The following CENPE variants were observed in gnomAD, a reference collection of about 807,000 sequenced individuals.
CENPE encodes the protein centromere protein E.
In CENPE, 145 loss-of-function variants were observed where a neutral mutation model predicts 336.1. That is an observed-to-expected ratio of 0.43 (90% CI 0.38 to 0.50). The LOEUF is 0.50. CENPE is among the 20% of genes least tolerant of loss of function. The pLI, the probability that CENPE is intolerant of heterozygous loss-of-function variation, is 0.00. For synonymous variants in CENPE, 1,013 were observed against 984.8 expected (o/e 1.03, Z -0.54); for missense variants, 2,719 against 3,023.3 (o/e 0.90, Z 2.36).
At chr4:103,181,289 T>C in intron 12 of CENPE, 48 bp downstream of exon 12, 1 of 1,361,570 alleles carries the variant, frequency 7.3e-7, no homozygotes, top group African/African-American at 1.5e-5. Context: ...CAGGTCTCCA[T>C]TCTAAATTGG....
chr4:103,127,560 C>G (rs1232962421), intron 42 of CENPE, among the ~76,000 whole-genome samples: 1 of 152,104 alleles, frequency 6.6e-6, no homozygotes, highest in Admixed American at 6.5e-5. Context: ...AACTTATTTT[C>G]TTATTCTTAA....
intron 16 of CENPE, among the ~76,000 whole-genome samples, chr4:103,171,005 AC>A (rs1755358710): frequency 6.6e-6 from 1 of 152,170 alleles, no homozygotes; most frequent in African/African-American, 2.4e-5. Flanking sequence ...ATATATATGC[AC>A]ACTGAACATG....
chr4:103,111,037 G>A (rs1462316564), intron 46 of CENPE, 26 bp from the exon 47 acceptor site: 3 of 1,489,940 alleles, frequency 2.0e-6, no homozygotes, highest in African/African-American at 2.8e-5. Context: ...ATACAAATAG[G>A]TGATAATTTT....
At chr4:103,190,945 G>GA (rs577578830) in intron 8 of CENPE, among the ~76,000 whole-genome samples, 1,931 of 129,490 alleles carry the variant, frequency 0.015, 34 homozygotes, top group African/African-American at 0.047. Flanking sequence ...AACAAATTTA[G>GA]AAAAAAAAAA....
At chr4:103,189,969 A>T (rs1366207496) in intron 8 of CENPE, among the ~76,000 whole-genome samples, 1 of 152,196 alleles carries the variant, frequency 6.6e-6, no homozygotes, top group Non-Finnish European at 1.5e-5. Flanking sequence ...TCAATGTGCA[A>T]AAATCACAAG....
chr4:103,112,726 G>GTA (rs1209538871), intron 46 of CENPE, among the ~76,000 whole-genome samples: 93 of 118,982 alleles, frequency 7.8e-4, no homozygotes, highest in Non-Finnish European at 1.4e-3. Context: ...GTATATAAGT[G>GTA]TATATATATA....
intron 41 of CENPE, 62 bp downstream of exon 41, chr4:103,133,633 G>T: frequency 2.7e-6 from 3 of 1,098,558 alleles, no homozygotes; most frequent in East Asian, 2.5e-5. Flanking sequence ...ACATGAAAAA[G>T]TACCTTTCTA....
intron 8 of CENPE, among the ~76,000 whole-genome samples, chr4:103,188,651 A>T (rs953293220): frequency 1.3e-5 from 2 of 152,210 alleles, no homozygotes; most frequent in Non-Finnish European, 2.9e-5. Flanking sequence ...CAGTGTGTAG[A>T]GGGAAACTTA....
Position 103,192,926 on chromosome 4 carries a change from T to A in CENPE, c.693+1303A>T, listed in dbSNP as rs539121485. 2.6e-5 allele frequency among the ~76,000 whole-genome samples: 4 copies of A among 151,780 alleles called. No homozygotes were observed. In the East Asian group the frequency reaches 5.8e-4, roughly 22 times the overall value. On this transcript the variant is annotated intron_variant, in intron 8 of 48. Coordinates refer to ENST00000265148, the MANE Select transcript of CENPE (RefSeq NM_001813.3). ...GAATACCTCCAAGTTTTTTTTTTTTTAATTATTTTTTTAGGAGGGTAGGGA... is the reference window on the plus strand; with the variant it reads ...GAATACCTCCAAGTTTTTTTTTTTTAAATTATTTTTTTAGGAGGGTAGGGA...
chr4:103,153,634 C>T (rs184490780), intron 24 of CENPE, among the ~76,000 whole-genome samples: 1 of 152,152 alleles, frequency 6.6e-6, no homozygotes. Flanking sequence ...ATTTCAATGA[C>T]ATTAATACAT....
Position 103,120,226 on chromosome 4 carries a change from T to G in CENPE, c.7251A>C (p.Ile2417=). ...MQKELEVTND[I]IAKLQAKVHE... is the part of the protein sequence containing the mutation. ...GAACTTTGGCTTGAAGTTTTGCTAT[T>G]ATGTCATTAGTCACCTCAAGTTCTT... The change falls in exon 44 of 49, where the codon ATA becomes ATC. Residue 2417 remains isoleucine, a synonymous_variant. Coordinates refer to ENST00000265148, the MANE Select transcript of CENPE (RefSeq NM_001813.3). 1 of 1,612,918 alleles carries G rather than the reference T, an allele frequency of 6.2e-7. No individual in the cohort carries two copies. Among genetic ancestry groups the G allele is most frequent in the East Asian group, 2.2e-5 (1 of 44,734 alleles).
chr4:103,110,966 G>A lies in CENPE; in HGVS notation c.7586C>T (p.Thr2529Ile). 1 of 1,610,472 alleles carries A rather than the reference G, an allele frequency of 6.2e-7. No individual in the cohort carries two copies. The highest frequency in any genetic ancestry group is 8.5e-7 in the Non-Finnish European group (1 of 1,178,510). ...TACAATGCCGCTGCCACCTCCACAA[G>A]TTAAGGGTTTATTTGAAGGCTGAGG... is the stretch of plus-strand genomic sequence containing the variant. ...TDPQPSNKPL[T>I]CGGGSGIVQN... Residue 2529 changes from threonine to isoleucine, a missense_variant, in exon 47 of 49, where the codon ACT (threonine) becomes ATT (isoleucine). This residue lies in a region of CENPE where 2,437 missense variants were observed against 2,513.3 expected (regional missense o/e 0.97). Coordinates refer to ENST00000265148, the MANE Select transcript of CENPE (RefSeq NM_001813.3).
intron 13 of CENPE, 37 bp from the exon 14 acceptor site, chr4:103,177,083 C>G: frequency 6.6e-7 from 1 of 1,524,950 alleles, no homozygotes; most frequent in South Asian, 1.2e-5. Context: ...TCATATAGAT[C>G]TGTATTCAAA....
In CENPE at chr4:103,141,039, C is replaced by A; in HGVS notation, c.5529G>T (p.Gln1843His). Residue 1843 changes from glutamine (Q) to histidine (H), a missense_variant, in exon 36 of 49, where the codon CAG (glutamine) becomes CAT (histidine). Gln to His is a conservative substitution (Grantham distance 24, BLOSUM62 0). Around this residue, in one of 5 missense-constraint regions of CENPE, gnomAD observed 2,437 missense variants for 2,513.3 expected, o/e 0.97. Coordinates refer to ENST00000265148, the MANE Select transcript of CENPE (RefSeq NM_001813.3). ...ITLKKDVNET[Q>H]KKVSEMEQLK... ...GTTGCTCCATTTCAGACACTTTTTT[C>A]TGTGTCTCATTGACATCTTTTTTTA... 1 of 1,600,010 alleles carries A rather than the reference C, an allele frequency of 6.2e-7. No individual in the cohort carries two copies. Among genetic ancestry groups the A allele is most frequent in the South Asian group, 1.1e-5 (1 of 90,002 alleles).
At chr4:103,148,403 G>C (rs771826800) in intron 28 of CENPE, among the ~76,000 whole-genome samples, 1 of 151,990 alleles carries the variant, frequency 6.6e-6, no homozygotes, top group Non-Finnish European at 1.5e-5. Flanking sequence ...GTAATTTTGC[G>C]TATTTCTGCA....
intron 42 of CENPE, among the ~76,000 whole-genome samples, chr4:103,129,608 T>G (rs1315734917): frequency 6.6e-6 from 1 of 151,862 alleles, no homozygotes; most frequent in Non-Finnish European, 1.5e-5. Flanking sequence ...TGGTGGTGCG[T>G]GTGTGTAATC....
At chr4:103,146,154 G>T in intron 29 of CENPE, 47 bp from the exon 30 acceptor site, 1 of 1,535,760 alleles carries the variant, frequency 6.5e-7, no homozygotes, top group South Asian at 1.2e-5. Flanking sequence ...GAGATATTGT[G>T]TTTTAGGGGA....
At chr4:103,147,160 ATCT>A (rs1385263822) in intron 29 of CENPE, among the ~76,000 whole-genome samples, 193 bp downstream of exon 29, 4 of 152,170 alleles carry the variant, frequency 2.6e-5, no homozygotes, top group East Asian at 1.9e-4. Flanking sequence ...TCTCTGAAAC[ATCT>A]TCTCTCTGTT....
At chr4:103,137,003 C>T (rs191246764) in intron 39 of CENPE, among the ~76,000 whole-genome samples, 223 of 152,172 alleles carry the variant, frequency 1.5e-3, no homozygotes, top group Middle Eastern at 3.4e-3. Context: ...ATGATCTATA[C>T]CTATATACCT....
Sources: allele counts gnomAD v4.1 joint callset (sites outside exome capture counted in the v4.1 genomes callset), GRCh38; gene constraint gnomAD v4.1.1; regional missense constraint gnomAD v4.1.1; transcripts MANE v1.5; gene names NCBI Gene and HGNC (gene_info 2026-07-23, HGNC 2026-07-21).